Variants in TSR1 observed in about 807,000 individuals in gnomAD.
The protein encoded by TSR1 is pre-rRNA-processing protein TSR1 homolog.
TSR1 carries 81 observed loss-of-function variants against 90.9 expected under a neutral mutation model. The observed-to-expected ratio is 0.89, with a 90% CI of 0.74 to 1.07. The LOEUF (loss-of-function observed/expected upper bound fraction) is 1.07. Ranked by LOEUF, TSR1 falls within the 50% of genes least tolerant of loss-of-function variation. The pLI is 0.00. For missense variants in TSR1, 989 were observed against 987.3 expected (o/e 1.00, Z -0.02); for synonymous variants, 362 against 348.8 (o/e 1.04, Z -0.42).
chr17:2,332,404 T>G, intron 7 of TSR1, 45 bp from the exon 8 acceptor site: 2 of 1,510,494 alleles, frequency 1.3e-6, no homozygotes, highest in Non-Finnish European at 1.8e-6. Context: ...TCCACACCTG[T>G]CTCTACCCCA....
At chr17:2,336,243 G>C in intron 1 of TSR1, 88 bp downstream of exon 1, 1 of 1,603,252 alleles carries the variant, frequency 6.2e-7, no homozygotes. Flanking sequence ...GTGGAGCCCA[G>C]ACGGGAGACA....
Position 2,329,220 on chromosome 17 carries a change from T to C in TSR1, c.1903+123A>G, listed in dbSNP as rs749509944. 5.5e-5 allele frequency: 77 copies of C among 1,403,454 alleles called. 1 individual carries two copies. The Admixed American group carries it at 1.3e-3, about 23-fold the overall frequency. 86.9% of individuals were successfully genotyped at this position (1,403,454 alleles called of 1,614,324 possible). ...AACATCATTGGCTCTTAAGCCAGAG[T>C]ACTGAAAATACCTCTAACCCAGAGA... is the stretch of plus-strand genomic sequence containing the variant. On this transcript the variant is annotated intron_variant, in intron 11 of 14. Coordinates refer to ENST00000301364, the MANE Select transcript of TSR1 (RefSeq NM_018128.5).
Position 2,323,650 on chromosome 17 carries a change from A to G in TSR1, c.*546T>C. On this transcript the variant is annotated 3_prime_UTR_variant, in exon 15 of 15. Transcript: ENST00000301364. ...ACTAATTCCTACTCCCTTCCATATC[A>G]ACAGTGTGCAACCCAGCTGGTGTGG... The G allele has an allele frequency of 6.2e-7, 1 of 1,613,980 alleles. No individual in the cohort carries two copies. The highest frequency in any genetic ancestry group is 8.5e-7 in the Non-Finnish European group (1 of 1,179,876).
rs1165080065 is a variant in TSR1 at position 2,324,154 on chromosome 17, A to G, written c.*42T>C. 8 of 1,511,356 alleles carry G rather than the reference A, an allele frequency of 5.3e-6. No individual in the cohort carries two copies. Among genetic ancestry groups the G allele is most frequent in the Non-Finnish European group, 7.1e-6 (8 of 1,134,282 alleles). 93.6% of individuals were successfully genotyped at this position (1,511,356 alleles called of 1,614,324 possible). A position where few individuals can be genotyped will look rare whatever the true frequency, so the allele number is the denominator to read the frequency against. On this transcript the variant is annotated 3_prime_UTR_variant, in exon 15 of 15. Transcript: ENST00000301364. ...CACAACTTGTGCCTCCCATCCCTGG[A>G]GTACTGACTGGCACCGGTAAGACAG...
In TSR1 at chr17:2,332,972, C is replaced by T. The variant is rs552467554; in HGVS notation, c.1294G>A (p.Glu432Lys). 6.2e-6 allele frequency: 10 copies of T among 1,613,574 alleles called. No individual in the cohort carries two copies. The highest frequency in any genetic ancestry group is 2.2e-5 in the East Asian group (1 of 44,880). ...DDMEHEDFMEEESQDESSEEE... is the reference protein window; with the variant it reads ...DDMEHEDFMEKESQDESSEEE... ...CCTCATTTCCTTACCTGAGATTCCT[C>T]CTCCATAAAATCCTCATGTTCCATA... The change falls in exon 7 of 15, where the codon GAG (glutamate) becomes AAG (lysine). Residue 432 changes from glutamate (E) to lysine (K), a missense_variant. Coordinates refer to ENST00000301364, the MANE Select transcript of TSR1 (RefSeq NM_018128.5).
At position 2,336,377 on chromosome 17, in the gene TSR1, T is replaced by C. The variant is rs1477394735; in HGVS notation, c.51A>G (p.Lys17=). The part of the protein sequence containing the change: ...GPLKQQNKAH[K]GGRHRGRGSA... ...ATCCCCGACCCCGATGCCGTCCGCC[T>C]TTATGAGCTTTATTCTGCTGCTTGA... Residue 17 remains lysine, a synonymous_variant, in exon 1 of 15, where the codon AAA becomes AAG. Transcript: ENST00000301364. 2 of 1,613,476 alleles carry C rather than the reference T, an allele frequency of 1.2e-6. No individual in the cohort carries two copies. Among genetic ancestry groups the C allele is most frequent in the African/African-American group, 2.7e-5 (2 of 74,940 alleles).
At chr17:2,333,421 C>T (rs2151441641) in intron 6 of TSR1, 136 bp downstream of exon 6, 1 of 1,057,752 alleles carries the variant, frequency 9.5e-7, no homozygotes, top group South Asian at 1.3e-5. Context: ...TGAAAACATA[C>T]AGCATTTGAG....
intron 5 of TSR1, 120 bp from the exon 6 acceptor site, chr17:2,333,836 T>A (rs555304259): frequency 1.2e-5 from 16 of 1,289,082 alleles, no homozygotes; most frequent in Non-Finnish European, 1.7e-5. Context: ...GACAGAATGC[T>A]AAAACTTGTC....
chr17:2,333,145 T>G (rs780691133), intron 6 of TSR1, 21 bp from the exon 7 acceptor site: 4 of 1,612,204 alleles, frequency 2.5e-6, no homozygotes, highest in East Asian at 2.2e-5. Context: ...CCAAACAAAT[T>G]AAGTAAATTA....
chr17:2,334,759 G>T lies in TSR1; in HGVS notation c.694C>A (p.Leu232Met), dbSNP rs1391935725. 6.2e-7 allele frequency: 1 copy of T among 1,614,212 alleles called. No homozygotes were observed. The highest frequency in any genetic ancestry group is 1.7e-5 in the Admixed American group (1 of 60,030). The change falls in exon 5 of 15, where the codon CTG becomes ATG. Residue 232 changes from leucine (L) to methionine (M), a missense_variant. Physicochemically the swap from Leu to Met is conservative, Grantham distance 15. Coordinates refer to ENST00000301364, the MANE Select transcript of TSR1 (RefSeq NM_018128.5). The part of the protein sequence containing the change: ...LLDTQQEAGM[L>M]LRQLANQKQQ... ...TTCTGGTTAGCCAACTGCCTAAGCAGCATCCCTGCCTCCTGTTGAGTGTCT... is the reference window on the plus strand; with the variant it reads ...TTCTGGTTAGCCAACTGCCTAAGCATCATCCCTGCCTCCTGTTGAGTGTCT...
Position 2,325,370 on chromosome 17 carries a change from C to A in TSR1, c.1954G>T (p.Ala652Ser). ...RFLTADMALV[A>S]TVYAPITFPP... ...AAAGTGATTGGCGCATAGACTGTCG[C>A]CACCAGGGCCATGTCAGCAGTCAGG... Residue 652 changes from alanine to serine, a missense_variant, in exon 12 of 15, where the codon GCG (alanine) becomes TCG (serine). Transcript: ENST00000301364. 1.2e-6 allele frequency: 2 copies of A among 1,613,552 alleles called. No individual in the cohort carries two copies. The highest frequency in any genetic ancestry group is 1.7e-6 in the Non-Finnish European group (2 of 1,179,902).
intron 11 of TSR1, among the ~76,000 whole-genome samples, chr17:2,328,614 AAAAAAAAAC>A (rs2075587618): frequency 1.3e-5 from 2 of 148,258 alleles, no homozygotes; most frequent in Non-Finnish European, 3.0e-5. Context: ...ACAAACAAAC[AAAAAAAAAC>A]AAAAAAAACA....
intron 11 of TSR1, among the ~76,000 whole-genome samples, chr17:2,327,243 C>A (rs1367809952): frequency 6.6e-6 from 1 of 151,784 alleles, no homozygotes; most frequent in East Asian, 1.9e-4. Flanking sequence ...TTGGTGAAAC[C>A]CCATCTCTAC....
chr17:2,326,479 C>T (rs1248750931), intron 11 of TSR1, among the ~76,000 whole-genome samples: 1 of 152,034 alleles, frequency 6.6e-6, no homozygotes, highest in Admixed American at 6.6e-5. Context: ...TGAGCCATAC[C>T]CAGCCTCCAT....
chr17:2,332,927 G>C (rs1009873126), intron 7 of TSR1, 34 bp downstream of exon 7: 1 of 1,601,698 alleles, frequency 6.2e-7, no homozygotes, highest in Non-Finnish European at 8.5e-7. Context: ...TTTGGAGCTA[G>C]ACACAGAATT....
intron 5 of TSR1, among the ~76,000 whole-genome samples, chr17:2,334,139 T>C (rs1037294751): frequency 4.6e-5 from 7 of 152,238 alleles, no homozygotes; most frequent in Non-Finnish European, 1.0e-4. Flanking sequence ...GCTAGTCTAC[T>C]TTCTCAACTT....
rs764777528 is a variant in TSR1 at position 2,334,521 on chromosome 17, A to C, written c.932T>G (p.Leu311Ter). Residue 311 changes from leucine to a stop codon, truncating the protein, a stop_gained, in exon 5 of 15, where the codon TTA (leucine) becomes TGA (stop). Transcript: ENST00000301364. LOFTEE classifies it high-confidence loss of function. ...TTGGGGTTTAATTCCTCTAGGATTT[A>C]AAGGGAAAGGGTCTCCGGGGGCATC... is the stretch of plus-strand genomic sequence containing the variant. ...QIDAPGDPFP[L>*]NPRGIKPQKD... 2.5e-6 allele frequency: 4 copies of C among 1,614,148 alleles called. No individual in the cohort carries two copies. The highest frequency in any genetic ancestry group is 3.4e-6 in the Non-Finnish European group (4 of 1,180,022).
At chr17:2,334,398 C>A in intron 5 of TSR1, 74 bp downstream of exon 5, 2 of 1,496,100 alleles carry the variant, frequency 1.3e-6, no homozygotes, top group South Asian at 2.5e-5. Flanking sequence ...AGTGTACAGA[C>A]TATCTTCTCT....
rs559811902 is a variant in TSR1, at chr17:2,335,426, G to A, written c.422-32C>T. 214 of 1,601,992 alleles carry A rather than the reference G, an allele frequency of 1.3e-4. 1 individual carries two copies. In the South Asian group the frequency reaches 2.2e-3, roughly 17 times the overall value. Reference sequence around the variant, plus strand: ...ATAGAAGACACAGTAAGAAGAGGTGGTTGGCACCAGCACATTATTCTAAAA... The same window carrying A: ...ATAGAAGACACAGTAAGAAGAGGTGATTGGCACCAGCACATTATTCTAAAA... On this transcript the variant is annotated intron_variant, in intron 3 of 14. Transcript: ENST00000301364.
Sources: allele counts gnomAD v4.1 joint callset (sites outside exome capture counted in the v4.1 genomes callset), GRCh38; gene constraint gnomAD v4.1.1; transcripts MANE v1.5; gene names NCBI Gene and HGNC (gene_info 2026-07-23, HGNC 2026-07-21).